Variants in PLEKHG3 observed in about 807,000 individuals in gnomAD.
PLEKHG3 encodes pleckstrin homology and RhoGEF domain containing G3.
Under a neutral mutation model 94.9 loss-of-function variants are expected in PLEKHG3, and 62 were observed. The observed-to-expected ratio is 0.65, with a 90% CI of 0.53 to 0.81. The LOEUF (loss-of-function observed/expected upper bound fraction) is 0.81, where lower values mean the gene tolerates loss of function less well. PLEKHG3 is among the 30% of genes least tolerant of loss of function. PLEKHG3 has a pLI of 0.00. For missense variants in PLEKHG3, 1,461 were observed against 1,619.3 expected, an observed-to-expected ratio of 0.90 and a Z score of 1.68; for synonymous variants, 614 against 654.0, an observed-to-expected ratio of 0.94 and a Z score of 0.93.
chr14:64,736,693 A>G (rs2081576724), intron 12 of PLEKHG3, among the ~76,000 whole-genome samples, 160 bp from the exon 13 acceptor site: 1 of 152,154 alleles, frequency 6.6e-6, no homozygotes, highest in African/African-American at 2.4e-5. Context: ...GGGCTCGCCG[A>G]CACTGTGGAA....
chr14:64,742,551 GAGGCTCTACCA>G, intron 16 of PLEKHG3, 96 bp downstream of exon 16: 1 of 909,120 alleles, frequency 1.1e-6, no homozygotes, highest in South Asian at 1.8e-5. Flanking sequence ...GACCTCTAAG[GAGGCTCTACCA>G]AAGGGAGAAG....
rs1380046421 is a variant in PLEKHG3 at position 64,716,478 on chromosome 14, CACA to C, written c.-39-11111_-39-11109del. Among the ~76,000 whole-genome samples the C allele has an allele frequency of 8.8e-5, 12 of 136,678 alleles. No individual in the cohort carries two copies. The East Asian group carries it at 1.7e-3, about 20-fold the overall frequency. The allele number at this position is 136,678 out of a possible 152,430, so 89.7% of individuals were successfully genotyped here. On this transcript the variant is annotated intron_variant, in intron 1 of 16. Coordinates refer to ENST00000247226, the MANE Select transcript of PLEKHG3 (RefSeq NM_001308147.2). This position sits in a 1 kb window ranked among gnomAD's most constrained non-coding sequence, Gnocchi z 5.0. ...CACACACACACACAACACACACACACACAACACACACACACACAACACACACAC... is the reference window on the plus strand; with the variant it reads ...CACACACACACACAACACACACACACACACACACACACACAACACACACAC...
rs1327743732 is a variant in PLEKHG3 at position 64,738,579 on chromosome 14, C to T, written c.1405-163C>T. Among the ~76,000 whole-genome samples the T allele has an allele frequency of 1.3e-5, 2 of 152,214 alleles. No homozygotes were observed. The highest frequency in any genetic ancestry group is 2.9e-5 in the Non-Finnish European group (2 of 68,046). ...ATGCCTGACAAGGCTTTCCGCAGCC[C>T]CAGGCCTGGCAGTTCAGGTTGGCTC... On this transcript the variant is annotated intron_variant, in intron 14 of 16. Transcript: ENST00000247226. This position sits in a 1 kb window ranked among gnomAD's most constrained non-coding sequence, Gnocchi z 4.8.
At chr14:64,735,589 G>A (rs2081553897) in intron 12 of PLEKHG3, among the ~76,000 whole-genome samples, 1 of 152,236 alleles carries the variant, frequency 6.6e-6, no homozygotes, top group East Asian at 1.9e-4. Context: ...ACCCAGCCTG[G>A]CTGACAGATG....
Position 64,744,110 on chromosome 14 carries a change from G to A in PLEKHG3, c.*407G>A, listed in dbSNP as rs938242595. 7.9e-5 allele frequency: 13 copies of A among 164,696 alleles called. No homozygotes were observed. The highest frequency in any genetic ancestry group is 3.5e-4 in the East Asian group (2 of 5,754). 10.2% of individuals were successfully genotyped at this position (164,696 alleles called of 1,614,324 possible). A position where few individuals can be genotyped will look rare whatever the true frequency, so the allele number is the denominator to read the frequency against. On this transcript the variant is annotated 3_prime_UTR_variant, in exon 17 of 17. Transcript: ENST00000247226. Reference sequence around the variant, plus strand: ...GCCTGGAGAGGCTTTGTTCTGTAACGGTGCCTTTTCTTAGGGTCCAGGCAG... The same window carrying A: ...GCCTGGAGAGGCTTTGTTCTGTAACAGTGCCTTTTCTTAGGGTCCAGGCAG...
chr14:64,735,100 C>A (rs944650561), intron 12 of PLEKHG3, among the ~76,000 whole-genome samples: 5 of 152,144 alleles, frequency 3.3e-5, no homozygotes, highest in Non-Finnish European at 7.3e-5. Context: ...CACCGTTGAA[C>A]CTTTCCTTTT....
At chr14:64,729,866 A>G (rs1484939260) in intron 3 of PLEKHG3, among the ~76,000 whole-genome samples, 1 of 152,138 alleles carries the variant, frequency 6.6e-6, no homozygotes. Flanking sequence ...CATGTCCCAC[A>G]TCCTGGGCGC....
In PLEKHG3 at chr14:64,746,506, ATCC is replaced by A. The variant is rs1400158930; in HGVS notation, c.*2809_*2811del. ...CAAGCCATGTGGTCCCGCTGGCTTC[ATCC>A]TCCTCTGGATTCCTGCCCCCCTCCC... On this transcript the variant is annotated 3_prime_UTR_variant, in exon 17 of 17. Coordinates refer to ENST00000247226, the MANE Select transcript of PLEKHG3 (RefSeq NM_001308147.2). The surrounding 1 kb of genome is among the most constrained non-coding windows in gnomAD (Gnocchi z 4.9). 6.6e-6 allele frequency: 1 copy of A among 152,626 alleles called. No individual in the cohort carries two copies. The highest frequency in any genetic ancestry group is 2.4e-5 in the African/African-American group (1 of 41,434). 9.5% of individuals were successfully genotyped at this position (152,626 alleles called of 1,614,324 possible).
At position 64,731,977 on chromosome 14, in the gene PLEKHG3, C is replaced by T. The variant is rs2081476013; in HGVS notation, c.1126-118C>T. 4 of 879,804 alleles carry T rather than the reference C, an allele frequency of 4.5e-6. No individual in the cohort carries two copies. Among genetic ancestry groups the T allele is most frequent in the East Asian group, 5.0e-5 (2 of 40,222 alleles). 54.5% of individuals were successfully genotyped at this position (879,804 alleles called of 1,614,324 possible). A position where few individuals can be genotyped will look rare whatever the true frequency, so the allele number is the denominator to read the frequency against. On this transcript the variant is annotated intron_variant, in intron 9 of 16. Transcript: ENST00000247226. This position sits in a 1 kb window ranked among gnomAD's most constrained non-coding sequence, Gnocchi z 6.1. The stretch of plus-strand genomic sequence containing the variant: ...GGTCAAAGTGAGGAGTCAGGTTAAC[C>T]TCACAGAGGCCCCAGCATGGCCCCA...
chr14:64,742,550 G>A (rs1331759635), intron 16 of PLEKHG3, 95 bp downstream of exon 16: 1 of 923,370 alleles, frequency 1.1e-6, no homozygotes, highest in Non-Finnish European at 1.6e-6. Context: ...TGACCTCTAA[G>A]GAGGCTCTAC....
At position 64,731,537 on chromosome 14, in the gene PLEKHG3, C is replaced by T. The variant is rs1437771870; in HGVS notation, c.1026C>T (p.Asn342=). ...KRGDHFVYKG[N]IPCSSLMLIE... ...GCGATCACTTTGTCTACAAGGGCAA[C>T]ATCCCGGTAACCAGGCCCTGCCCCA... The change falls in exon 8 of 17, where the codon AAC becomes AAT. Residue 342 remains asparagine, a synonymous_variant. Transcript: ENST00000247226. The surrounding 1 kb of genome is among the most constrained non-coding windows in gnomAD (Gnocchi z 6.1). 3 of 1,613,770 alleles carry T rather than the reference C, an allele frequency of 1.9e-6. No homozygotes were observed. The highest frequency in any genetic ancestry group is 2.2e-5 in the East Asian group (1 of 44,880).
chr14:64,711,097 T>A (rs557357766), intron 1 of PLEKHG3, among the ~76,000 whole-genome samples: 113 of 152,298 alleles, frequency 7.4e-4, no homozygotes, highest in African/African-American at 2.5e-3. Context: ...TTTACCCACT[T>A]CACCCACCCC....
rs1351373205 is a variant in PLEKHG3, at chr14:64,739,658, C to T, written c.1518+803C>T. Among the ~76,000 whole-genome samples, 1 of 152,224 alleles carries T rather than the reference C, an allele frequency of 6.6e-6. No homozygotes were observed. The highest frequency in any genetic ancestry group is 2.4e-5 in the African/African-American group (1 of 41,446). On this transcript the variant is annotated intron_variant, in intron 15 of 16. Transcript: ENST00000247226. This position sits in a 1 kb window ranked among gnomAD's most constrained non-coding sequence, Gnocchi z 4.1. ...TAGTTATTGCTCACAGTTTTGGAGGCTGGAAATTCTAAGGTCAAGATGCCA... is the reference window on the plus strand; with the variant it reads ...TAGTTATTGCTCACAGTTTTGGAGGTTGGAAATTCTAAGGTCAAGATGCCA...
Position 64,723,362 on chromosome 14 carries a change from C to T in PLEKHG3, c.-39-4231C>T, listed in dbSNP as rs149344785. Among the ~76,000 whole-genome samples, 1,966 of 152,094 alleles carry T rather than the reference C, an allele frequency of 0.013. 43 individuals carry two copies. The highest frequency in any genetic ancestry group is 0.044 in the African/African-American group (1,821 of 41,456). ...CTGAGGCAGGAGGATCGCTTGAGGT[C>T]GAGGCTGCAATGAGCTGTGATTGCA... On this transcript the variant is annotated intron_variant, in intron 1 of 16. Transcript: ENST00000247226. The surrounding 1 kb of genome is among the most constrained non-coding windows in gnomAD (Gnocchi z 4.5).
intron 1 of PLEKHG3, among the ~76,000 whole-genome samples, chr14:64,707,073 G>A (rs1203202575): frequency 1.3e-5 from 2 of 152,216 alleles, no homozygotes. Flanking sequence ...CCAGGCCACT[G>A]CTCTGTCCCG....
At position 64,716,466 on chromosome 14, in the gene PLEKHG3, A is replaced by ACAAC. The variant is rs1555359403; in HGVS notation, c.-39-11127_-39-11126insCAAC. ...CACACACACACACACACACACACACAACACACACACACACAACACACACAC... is the reference window on the plus strand; with the variant it reads ...CACACACACACACACACACACACACACAACACACACACACACACAACACACACAC... On this transcript the variant is annotated intron_variant, in intron 1 of 16. Transcript: ENST00000247226. The surrounding 1 kb of genome is among the most constrained non-coding windows in gnomAD (Gnocchi z 5.0). 3.1e-4 allele frequency among the ~76,000 whole-genome samples: 27 copies of ACAAC among 86,488 alleles called. No individual in the cohort carries two copies. Among genetic ancestry groups the ACAAC allele is most frequent in the Admixed American group, 2.0e-3 (19 of 9,510 alleles). The allele number at this position is 86,488 out of a possible 152,430, so 56.7% of individuals were successfully genotyped here. A position where few individuals can be genotyped will look rare whatever the true frequency, so the allele number is the denominator to read the frequency against.
At position 64,735,018 on chromosome 14, in the gene PLEKHG3, G is replaced by A. The variant is rs1175753566; in HGVS notation, c.1346-1835G>A. 2.6e-5 allele frequency among the ~76,000 whole-genome samples: 4 copies of A among 152,208 alleles called. No individual in the cohort carries two copies. In the East Asian group the frequency reaches 7.7e-4, roughly 29 times the overall value. Reference sequence around the variant, plus strand: ...TGGGATTACAGGCATGAGCCATCCCGCCTAGCTGAAATAGACATCTTTCTA... The same window carrying A: ...TGGGATTACAGGCATGAGCCATCCCACCTAGCTGAAATAGACATCTTTCTA... On this transcript the variant is annotated intron_variant, in intron 12 of 16. Transcript: ENST00000247226.
rs1363070247 is a variant in PLEKHG3, at chr14:64,727,606, T to G, written c.-26T>G. 1 of 1,347,504 alleles carries G rather than the reference T, an allele frequency of 7.4e-7. No individual in the cohort carries two copies. The highest frequency in any genetic ancestry group is 1.7e-5 in the Admixed American group (1 of 58,352). 83.5% of individuals were successfully genotyped at this position (1,347,504 alleles called of 1,614,324 possible). ...GTCTTGTTGCAGAATCTCCCTGGGG[T>G]GCCCTCCCCAGGCAGCAATGCCAGG... On this transcript the variant is annotated 5_prime_UTR_variant, in exon 2 of 17. Transcript: ENST00000247226. The surrounding 1 kb of genome is among the most constrained non-coding windows in gnomAD (Gnocchi z 6.0).
rs770479679 is a variant in PLEKHG3 at position 64,749,933 on chromosome 14, C to T, written c.*6230C>T. On this transcript the variant is annotated 3_prime_UTR_variant, in exon 17 of 17. Transcript: ENST00000247226. The surrounding 1 kb of genome is among the most constrained non-coding windows in gnomAD (Gnocchi z 4.7). ...GAGGGCCTCTGCCCTGCCACTAATG[C>T]CAAATCAAGCCATCAACCCGAGCTT... 9.5e-5 allele frequency: 153 copies of T among 1,613,208 alleles called. No individual in the cohort carries two copies. The highest frequency in any genetic ancestry group is 4.5e-4 in the Admixed American group (27 of 60,008).
Sources: gnomAD v4.1 joint callset for allele counts (sites outside exome capture counted in the v4.1 genomes callset) on GRCh38, gnomAD v4.1.1 for gene constraint, Gnocchi (gnomAD v3.1) non-coding constraint, MANE v1.5 for transcripts, NCBI Gene and HGNC (gene_info 2026-07-23, HGNC 2026-07-21) for gene names.